RHOT2: variants seen among roughly 807,000 people sequenced by gnomAD.
The protein encoded by RHOT2 is ras homolog family member T2.
Under a neutral mutation model 81.6 loss-of-function variants are expected in RHOT2, and 90 were observed. The ratio of observed to expected loss-of-function variants is 1.10; its 90% CI spans 0.93 to 1.31. The LOEUF is 1.31. Ranked by LOEUF, RHOT2 falls within the 40% of genes most tolerant of loss-of-function variation. The probability of loss-of-function intolerance (pLI) is 0.00; values close to 1 mark genes in which losing one functional copy is unlikely to be tolerated. For missense variants in RHOT2, 1,014 were observed against 841.9 expected, an observed-to-expected ratio of 1.20 and a Z score of -2.53; for synonymous variants, 512 against 370.9, an observed-to-expected ratio of 1.38 and a Z score of -4.37.
In RHOT2 at chr16:670,336, C is replaced by T. The variant is rs137860511; in HGVS notation, c.417C>T (p.Pro139=). The change falls in exon 7 of 19, where the codon CCC becomes CCT. Residue 139 remains proline (P), a synonymous_variant. Coordinates refer to ENST00000315082, the MANE Select transcript of RHOT2 (RefSeq NM_138769.3). ...TGCTCCCCATCATGAGCCAGTTTCCCGAGATTGAGACCTGCGTGGAGGTGA... is the reference window on the plus strand; with the variant it reads ...TGCTCCCCATCATGAGCCAGTTTCCTGAGATTGAGACCTGCGTGGAGGTGA... ...EAVLPIMSQF[P]EIETCVECSA... 2.5e-5 allele frequency: 41 copies of T among 1,612,728 alleles called. No homozygotes were observed. In the African/African-American group the frequency reaches 2.9e-4, roughly 12 times the overall value.
At position 672,835 on chromosome 16, in the gene RHOT2, T is replaced by G. The variant is rs1416500656; in HGVS notation, c.1527+10T>G. 1.2e-6 allele frequency: 2 copies of G among 1,612,616 alleles called. No individual in the cohort carries two copies. The highest frequency in any genetic ancestry group is 1.7e-6 in the Non-Finnish European group (2 of 1,179,964). ...TGCCAGCGTCTACAAGGTGGGGCCCTGCAGGGGCCACGTGGCCATGGGGCA... is the reference window on the plus strand; with the variant it reads ...TGCCAGCGTCTACAAGGTGGGGCCCGGCAGGGGCCACGTGGCCATGGGGCA... On this transcript the variant is annotated intron_variant, in intron 17 of 18. Coordinates refer to ENST00000315082, the MANE Select transcript of RHOT2 (RefSeq NM_138769.3).
Position 673,682 on chromosome 16 carries a change from G to T in RHOT2, c.*76G>T. On this transcript the variant is annotated 3_prime_UTR_variant, in exon 19 of 19. Coordinates refer to ENST00000315082, the MANE Select transcript of RHOT2 (RefSeq NM_138769.3). ...GGGGCTCTGCAGGGGCAGCACAGCT[G>T]GGGTGCAGGCCAGGCTGCCACTCCG... The T allele has an allele frequency of 6.5e-7, 1 of 1,534,184 alleles. No homozygotes were observed. Among genetic ancestry groups the T allele is most frequent in the Non-Finnish European group, 8.8e-7 (1 of 1,140,298 alleles).
At chr16:671,602 C>T (rs2038945880) in intron 11 of RHOT2, 95 bp from the exon 12 acceptor site, 1 of 1,366,726 alleles carries the variant, frequency 7.3e-7, no homozygotes, top group Non-Finnish European at 1.0e-6. Flanking sequence ...TAGGGAGGGT[C>T]CGGCTGCACC....
chr16:668,765 T>C lies in RHOT2; in HGVS notation c.222+66T>C, dbSNP rs747208405. The C allele has an allele frequency of 3.2e-5, 48 of 1,491,222 alleles. 1 individual carries two copies. In the Middle Eastern group the frequency reaches 5.2e-4, roughly 16 times the overall value. 92.4% of individuals were successfully genotyped at this position (1,491,222 alleles called of 1,614,324 possible). A position where few individuals can be genotyped will look rare whatever the true frequency, so the allele number is the denominator to read the frequency against. ...GCTCGGCCTAATCCGCTTCGCAGCC[T>C]GGGGGATTGGACCGAGGTGCTCCGG... On this transcript the variant is annotated intron_variant, in intron 4 of 18. Coordinates refer to ENST00000315082, the MANE Select transcript of RHOT2 (RefSeq NM_138769.3).
At chr16:670,418 C>T (rs372861702) in intron 7 of RHOT2, 38 bp from the exon 8 acceptor site, 3 of 1,606,540 alleles carry the variant, frequency 1.9e-6, no homozygotes, top group Non-Finnish European at 2.6e-6. Flanking sequence ...CGGTGCCCTC[C>T]TCGGGGCACT....
chr16:670,740 G>T lies in RHOT2; in HGVS notation c.606G>T (p.Gln202His), dbSNP rs1167960949. Residue 202 changes from glutamine (Q) to histidine (H), a missense_variant, in exon 9 of 19, where the codon CAG becomes CAT. Physicochemically the swap from Gln to His is conservative, Grantham distance 24 (BLOSUM62 0). Coordinates refer to ENST00000315082, the MANE Select transcript of RHOT2 (RefSeq NM_138769.3). ...GGCTCTCAGATCAGGACCTGGACCA[G>T]GCGCTCAGTGACGAAGAGCTCAACG... The part of the protein sequence containing the change: ...IFRLSDQDLD[Q>H]ALSDEELNAF... The T allele has an allele frequency of 6.2e-7, 1 of 1,612,402 alleles. No individual in the cohort carries two copies. Among genetic ancestry groups the T allele is most frequent in the South Asian group, 1.1e-5 (1 of 91,090 alleles).
At chr16:669,250 G>A (rs1207233736) in intron 4 of RHOT2, 7 of 518,302 alleles carry the variant, frequency 1.4e-5, no homozygotes, top group Non-Finnish European at 2.5e-5. Context: ...CTGCTCCAAG[G>A]GTCTTGCTGA....
At chr16:671,328 C>T in intron 11 of RHOT2, 125 bp downstream of exon 11, 3 of 1,387,444 alleles carry the variant, frequency 2.2e-6, no homozygotes, top group Non-Finnish European at 2.9e-6. Context: ...CAGTGAAGGT[C>T]TCGCTCAGCA....
In RHOT2 at chr16:671,019, C is replaced by T. The variant is rs767369597; in HGVS notation, c.748+19C>T. 36 of 1,602,550 alleles carry T rather than the reference C, an allele frequency of 2.2e-5. No individual in the cohort carries two copies. The highest frequency in any genetic ancestry group is 1.3e-5 in the Non-Finnish European group (15 of 1,176,368). On this transcript the variant is annotated intron_variant, in intron 10 of 18. Coordinates refer to ENST00000315082, the MANE Select transcript of RHOT2 (RefSeq NM_138769.3). ...CTGGATGGTGAGGCCGGGTGCCCGC[C>T]TGTGCCTGGGGAGTGTGGGGAGGGG...
Position 672,829 on chromosome 16 carries a change from G to C in RHOT2, c.1527+4G>C, listed in dbSNP as rs746889788. Reference sequence around the variant, plus strand: ...ACATTGTGCCAGCGTCTACAAGGTGGGGCCCTGCAGGGGCCACGTGGCCAT... The same window carrying C: ...ACATTGTGCCAGCGTCTACAAGGTGCGGCCCTGCAGGGGCCACGTGGCCAT... On this transcript the variant is annotated splice_donor_region_variant and intron_variant, in intron 17 of 18. Transcript: ENST00000315082. 1.2e-6 allele frequency: 2 copies of C among 1,612,594 alleles called. No homozygotes were observed. Among genetic ancestry groups the C allele is most frequent in the East Asian group, 4.5e-5 (2 of 44,884 alleles).
At position 673,532 on chromosome 16, in the gene RHOT2, C is replaced by T. The variant is rs767165480; in HGVS notation, c.1783C>T (p.Leu595=). 5.0e-6 allele frequency: 8 copies of T among 1,612,644 alleles called. No homozygotes were observed. In the South Asian group the frequency reaches 7.7e-5, roughly 15 times the overall value. Reference sequence around the variant, plus strand: ...CTCTTCCTTCTGGCTCCGGGGGCTGCTGGGGGTTGTCGGGGCCGCCGTGGC... The same window carrying T: ...CTCTTCCTTCTGGCTCCGGGGGCTGTTGGGGGTTGTCGGGGCCGCCGTGGC... ...HPSSFWLRGL[L]GVVGAAVAAV... The change falls in exon 19 of 19, where the codon CTG becomes TTG. Residue 595 remains leucine (L), a synonymous_variant. Coordinates refer to ENST00000315082, the MANE Select transcript of RHOT2 (RefSeq NM_138769.3).
At chr16:669,668 C>T in intron 5 of RHOT2, 62 bp downstream of exon 5, 1 of 1,549,310 alleles carries the variant, frequency 6.5e-7, no homozygotes. Flanking sequence ...CCCAGGTGGA[C>T]CTTCACCCAA....
At chr16:668,945 G>C in intron 4 of RHOT2, 1 of 532,750 alleles carries the variant, frequency 1.9e-6, no homozygotes. Context: ...CTGCCGGGGT[G>C]GCAGCAGCGT....
At chr16:669,505 T>C in intron 4 of RHOT2, 48 bp from the exon 5 acceptor site, 2 of 1,598,382 alleles carry the variant, frequency 1.3e-6, no homozygotes, top group Non-Finnish European at 8.5e-7. Flanking sequence ...GGGTCGTCGG[T>C]GGTGAGCCAG....
intron 4 of RHOT2, chr16:668,941 G>C (rs2038412873): frequency 1.9e-6 from 1 of 533,238 alleles, no homozygotes; most frequent in South Asian, 2.7e-5. Flanking sequence ...CCTCCTGCCG[G>C]GGTGGCAGCA....
In RHOT2 at chr16:669,865, C is replaced by A. The variant is rs543437341; in HGVS notation, c.277-258C>A. The A allele has an allele frequency of 9.8e-6, 6 of 613,448 alleles. No individual in the cohort carries two copies. In the Admixed American group the frequency reaches 1.5e-4, roughly 15 times the overall value. The allele number at this position is 613,448 out of a possible 1,614,324, so 38.0% of individuals were successfully genotyped here. On this transcript the variant is annotated intron_variant, in intron 5 of 18. Transcript: ENST00000315082. Reference sequence around the variant, plus strand: ...GTTTCCAAACCCCCGGGGGGGGACCCGCAGAGGGCCTGCGTTGGGGGCGGC... The same window carrying A: ...GTTTCCAAACCCCCGGGGGGGGACCAGCAGAGGGCCTGCGTTGGGGGCGGC...
chr16:671,627 G>A (rs1281052682), intron 11 of RHOT2, 70 bp from the exon 12 acceptor site: 3 of 1,514,012 alleles, frequency 2.0e-6, no homozygotes, highest in South Asian at 2.4e-5. Context: ...GGGCTGGCAG[G>A]GTGACAGATG....
In RHOT2 at chr16:672,493, A is replaced by G. The variant is rs567577076; in HGVS notation, c.1331A>G (p.Gln444Arg). 3.0e-5 allele frequency: 49 copies of G among 1,612,560 alleles called. No homozygotes were observed. The East Asian group carries it at 1.0e-3, about 34-fold the overall frequency. Residue 444 changes from glutamine (Q) to arginine (R), a missense_variant, in exon 16 of 19, where the codon CAG becomes CGG. Coordinates refer to ENST00000315082, the MANE Select transcript of RHOT2 (RefSeq NM_138769.3). ...TCAGGACTTCACCTCCCTCAGCACC[A>G]GGACACGAGGGAGCAGCCTCCCGGC... ...QAFLGRGLGH[Q>R]DTREQPPGYA...
At position 670,311 on chromosome 16, in the gene RHOT2, T is replaced by C. The variant is rs753569600; in HGVS notation, c.392T>C (p.Val131Ala). ...DLRSGSSMEA[V>A]LPIMSQFPEI... ...CGGTCGGGGAGCTCCATGGAGGCCG[T>C]GCTCCCCATCATGAGCCAGTTTCCC... Residue 131 changes from valine to alanine, a missense_variant, in exon 7 of 19, where the codon GTG becomes GCG. By Grantham distance (64) the Val-to-Ala change is moderately conservative. Transcript: ENST00000315082. 1.2e-6 allele frequency: 2 copies of C among 1,612,826 alleles called. No individual in the cohort carries two copies. The highest frequency in any genetic ancestry group is 1.7e-6 in the Non-Finnish European group (2 of 1,179,954).
Sources: gnomAD v4.1 joint callset for allele counts on GRCh38, gnomAD v4.1.1 for gene constraint, MANE v1.5 for transcripts, NCBI Gene and HGNC (gene_info 2026-07-23, HGNC 2026-07-21) for gene names.